CDC42SE2: variants seen among roughly 807,000 people sequenced by gnomAD.
CDC42SE2 encodes CDC42 small effector 2.
Under a neutral mutation model 11.5 loss-of-function variants are expected in CDC42SE2, and 3 were observed. That is an observed-to-expected ratio of 0.26 (90% CI 0.12 to 0.67). CDC42SE2 has a LOEUF of 0.67. Ranked by LOEUF, CDC42SE2 falls within the 30% of genes least tolerant of loss-of-function variation. The pLI is 0.80. For missense variants in CDC42SE2, 82 were observed against 106.8 expected, an observed-to-expected ratio of 0.77 and a Z score of 1.02; for synonymous variants, 33 against 34.8, an observed-to-expected ratio of 0.95 and a Z score of 0.18.
chr5:131,384,381 C>G (rs1035615574), intron 3 of CDC42SE2, among the ~76,000 whole-genome samples: 1 of 152,156 alleles, frequency 6.6e-6, no homozygotes, highest in Non-Finnish European at 1.5e-5. Flanking sequence ...TTATCAGGAT[C>G]ATGCCAGCGT....
At chr5:131,223,418 T>C in the CDC42SE2 span, among the ~76,000 whole-genome samples, 1 of 152,188 alleles carries the variant, frequency 6.6e-6, no homozygotes, top group African/African-American at 2.4e-5. Flanking sequence ...TGTCTTATCA[T>C]TGATTCAACA....
chr5:131,237,175 A>C, the CDC42SE2 span, among the ~76,000 whole-genome samples: 1 of 152,002 alleles, frequency 6.6e-6, no homozygotes, highest in Non-Finnish European at 1.5e-5. Context: ...TTTGCATCCC[A>C]CTCTTCCTTA....
chr5:131,267,581 A>AT (rs2149690572), intron 1 of CDC42SE2, among the ~76,000 whole-genome samples: 1 of 152,260 alleles, frequency 6.6e-6, no homozygotes, highest in Non-Finnish European at 1.5e-5. Context: ...TTTAGAAAGC[A>AT]TTTCTTTTTC....
upstream of CDC42SE2, among the ~76,000 whole-genome samples, chr5:131,244,692 CAG>C (rs1261660737): frequency 6.6e-6 from 1 of 152,068 alleles, no homozygotes; most frequent in East Asian, 1.9e-4. Context: ...GCCTGGGCAA[CAG>C]AGTGAGACCC....
In CDC42SE2 at chr5:131,339,838, T is replaced by C. The variant is rs1007762080; in HGVS notation, c.-285-19371T>C. On this transcript the variant is annotated intron_variant, in intron 2 of 4. Transcript: ENST00000505065. ...AAAAAAAAAAAGAGAGAGAAAATTA[T>C]GATCATTGAACTAAAAGAGTCATGG... Among the ~76,000 whole-genome samples, 43 of 150,136 alleles carry C rather than the reference T, an allele frequency of 2.9e-4. 1 individual carries two copies. Among genetic ancestry groups the C allele is most frequent in the African/African-American group, 9.8e-4 (40 of 40,912 alleles).
In CDC42SE2 at chr5:131,311,169, C is replaced by G. The variant is rs1038075950; in HGVS notation, c.-454-4807C>G. Among the ~76,000 whole-genome samples, 399 of 152,042 alleles carry G rather than the reference C, an allele frequency of 2.6e-3. 3 individuals carry two copies. The highest frequency in any genetic ancestry group is 9.2e-3 in the African/African-American group (380 of 41,458). Reference sequence around the variant, plus strand: ...CAAAAATCTCTCAGCATTTGCTTGTCTGTAAAGGATTTTATTTCTCCTTCA... The same window carrying G: ...CAAAAATCTCTCAGCATTTGCTTGTGTGTAAAGGATTTTATTTCTCCTTCA... On this transcript the variant is annotated intron_variant, in intron 1 of 4. Transcript: ENST00000505065.
At chr5:131,361,074 T>G (rs1180943172) in intron 3 of CDC42SE2, among the ~76,000 whole-genome samples, 5 of 129,854 alleles carry the variant, frequency 3.9e-5, no homozygotes, top group African/African-American at 1.3e-4. Flanking sequence ...TGTTTGTTTG[T>G]TTTTTTTTTT....
intron 2 of CDC42SE2, among the ~76,000 whole-genome samples, chr5:131,354,364 C>A (rs529432664): frequency 2.4e-4 from 36 of 152,086 alleles, no homozygotes; most frequent in Non-Finnish European, 4.6e-4. Context: ...ATTCCAGGAG[C>A]CCATAAGCAC....
chr5:131,332,938 G>A (rs112289539), intron 2 of CDC42SE2, among the ~76,000 whole-genome samples: 37,012 of 151,706 alleles, frequency 0.24, 4,816 homozygotes, highest in East Asian at 0.49. Context: ...CTCTGATGGT[G>A]GTTTCTTTTG....
At chr5:131,230,495 C>T in the CDC42SE2 span, among the ~76,000 whole-genome samples, 1 of 152,350 alleles carries the variant, frequency 6.6e-6, no homozygotes, top group Non-Finnish European at 1.5e-5. Flanking sequence ...GAAGTCTGTG[C>T]TTCTGAGCAG....
the CDC42SE2 span, among the ~76,000 whole-genome samples, chr5:131,234,635 CAAAA>C: frequency 1.2e-5 from 1 of 86,854 alleles, no homozygotes; most frequent in Admixed American, 1.3e-4. Flanking sequence ...GACTCTGTCT[CAAAA>C]AAAAAAAAGA....
At chr5:131,335,611 T>C (rs59910075) in intron 2 of CDC42SE2, among the ~76,000 whole-genome samples, 1,744 of 152,310 alleles carry the variant, frequency 0.011, 39 homozygotes, top group African/African-American at 0.036. Flanking sequence ...TAAGTCTCTT[T>C]GTAGGTCACT....
intron 1 of CDC42SE2, among the ~76,000 whole-genome samples, chr5:131,307,527 A>G (rs1335001277): frequency 3.3e-5 from 5 of 152,086 alleles, no homozygotes; most frequent in African/African-American, 1.2e-4. Flanking sequence ...CAGTAAACAT[A>G]CGTGTGCATG....
chr5:131,286,728 G>C (rs1757349664), intron 1 of CDC42SE2, among the ~76,000 whole-genome samples: 1 of 151,714 alleles, frequency 6.6e-6, no homozygotes. Context: ...TTAATGAATA[G>C]TAATTATATT....
At chr5:131,380,961 A>C (rs1750303363) in intron 3 of CDC42SE2, among the ~76,000 whole-genome samples, 1 of 152,108 alleles carries the variant, frequency 6.6e-6, no homozygotes, top group African/African-American at 2.4e-5. Flanking sequence ...CATTGACTTG[A>C]TATTGCTGAA....
chr5:131,287,275 G>A lies in CDC42SE2; in HGVS notation c.-455+23109G>A, dbSNP rs556142347. Among the ~76,000 whole-genome samples the A allele has an allele frequency of 9.2e-5, 14 of 152,266 alleles. No homozygotes were observed. In the South Asian group the frequency reaches 1.5e-3, roughly 16 times the overall value. On this transcript the variant is annotated intron_variant, in intron 1 of 4. Transcript: ENST00000505065. ...CTCCCAAAGTGCTGGGATTACAGGCGTGAGTCACCTCGCCCGGCCTTGGGT... is the reference window on the plus strand; with the variant it reads ...CTCCCAAAGTGCTGGGATTACAGGCATGAGTCACCTCGCCCGGCCTTGGGT...
At chr5:131,296,517 T>C (rs2149713017) in intron 1 of CDC42SE2, among the ~76,000 whole-genome samples, 1 of 152,344 alleles carries the variant, frequency 6.6e-6, no homozygotes, top group Admixed American at 6.5e-5. Flanking sequence ...CTGGCAGTCG[T>C]TGGCTTGCAG....
the CDC42SE2 span, among the ~76,000 whole-genome samples, chr5:131,212,318 G>A: frequency 2.0e-5 from 3 of 152,134 alleles, no homozygotes; most frequent in Non-Finnish European, 2.9e-5. Context: ...GTATTGGTCA[G>A]GCTGGTCTCG....
At chr5:131,369,353 G>A (rs1199732641) in intron 3 of CDC42SE2, among the ~76,000 whole-genome samples, 1 of 152,056 alleles carries the variant, frequency 6.6e-6, no homozygotes, top group African/African-American at 2.4e-5. Context: ...CCTAGTACGC[G>A]ACTATTATGC....
Sources: allele counts gnomAD v4.1 joint callset (sites outside exome capture counted in the v4.1 genomes callset), GRCh38; gene constraint gnomAD v4.1.1; transcripts MANE v1.5; gene names NCBI Gene and HGNC (gene_info 2026-07-23, HGNC 2026-07-21).